PALLD: variants seen among roughly 807,000 people sequenced by gnomAD.
PALLD encodes palladin.
A neutral mutation model predicts 123.5 loss-of-function variants in PALLD; 61 were observed. The ratio of observed to expected loss-of-function variants is 0.49; its 90% confidence interval spans 0.40 to 0.61. PALLD has a LOEUF of 0.61. PALLD is among the 20% of genes least tolerant of loss of function. PALLD has a pLI of 0.00. For synonymous variants in PALLD, 465 were observed against 496.4 expected (o/e 0.94, Z 0.84); for missense variants, 1,273 against 1,377.0 (o/e 0.92, Z 1.20).
intron 2 of PALLD, among the ~76,000 whole-genome samples, chr4:168,593,103 T>C (rs1353302111): frequency 6.6e-6 from 1 of 152,146 alleles, no homozygotes; most frequent in Non-Finnish European, 1.5e-5. Flanking sequence ...GGTTCCCTAA[T>C]AATCTTCTAT....
At chr4:168,836,137 G>A (rs1745151296) in intron 10 of PALLD, among the ~76,000 whole-genome samples, 1 of 152,188 alleles carries the variant, frequency 6.6e-6, no homozygotes, top group African/African-American at 2.4e-5. Context: ...TCTTCCTTGT[G>A]TATTTTGGAT....
rs374009780 is a variant in PALLD at position 168,885,108 on chromosome 4, C to G, written c.1965-5814C>G. On this transcript the variant is annotated intron_variant, in intron 10 of 21. Transcript: ENST00000505667. ...CGCTGACTCTGAATTTCTTCTTCTTCTCCACTCTACTTGTCTACATCCTTG... is the reference window on the plus strand; with the variant it reads ...CGCTGACTCTGAATTTCTTCTTCTTGTCCACTCTACTTGTCTACATCCTTG... Among the ~76,000 whole-genome samples the G allele has an allele frequency of 1.7e-4, 26 of 152,368 alleles. 1 individual carries two copies. The East Asian group carries it at 4.4e-3, about 26-fold the overall frequency.
At chr4:168,877,890 C>T (rs1751988392) in intron 10 of PALLD, 2 of 1,467,802 alleles carry the variant, frequency 1.4e-6, no homozygotes, top group Admixed American at 2.3e-5. Flanking sequence ...TCCCCGGAGC[C>T]CATGAGCGCG....
intron 2 of PALLD, among the ~76,000 whole-genome samples, chr4:168,566,351 T>C (rs1265361765): frequency 1.3e-5 from 2 of 152,148 alleles, no homozygotes. Flanking sequence ...CAGGCTGGAA[T>C]GCAATGGTCG....
At chr4:168,613,488 G>A (rs978030490) in intron 2 of PALLD, among the ~76,000 whole-genome samples, 2 of 152,174 alleles carry the variant, frequency 1.3e-5, no homozygotes, top group Non-Finnish European at 2.9e-5. Context: ...ATATGTGTCA[G>A]CACTCTCTGC....
In PALLD at chr4:168,665,732, G is replaced by T. The variant is rs371818714; in HGVS notation, c.909-2458G>T. Among the ~76,000 whole-genome samples, 577 of 152,266 alleles carry T rather than the reference G, an allele frequency of 3.8e-3. 3 individuals carry two copies. The highest frequency in any genetic ancestry group is 0.02 in the Middle Eastern group (6 of 294). ...AACTGATTCAGTAGATTTGGGGTGA[G>T]GGTCAAGATACTGCACTTCTAACAA... is the stretch of plus-strand genomic sequence containing the variant. On this transcript the variant is annotated intron_variant, in intron 2 of 21. Transcript: ENST00000505667.
chr4:168,685,655 A>G (rs894862863), intron 6 of PALLD, 96 bp downstream of exon 6: 10 of 839,290 alleles, frequency 1.2e-5, no homozygotes, highest in African/African-American at 8.3e-5. Flanking sequence ...AATTAAAAGG[A>G]ACAGATTAGT....
chr4:168,696,979 A>G (rs1416702995), intron 8 of PALLD, among the ~76,000 whole-genome samples: 2 of 152,216 alleles, frequency 1.3e-5, no homozygotes, highest in African/African-American at 2.4e-5. Flanking sequence ...TGCACAACAT[A>G]TGGAATAAAC....
chr4:168,671,378 G>T (rs552388068), intron 3 of PALLD, among the ~76,000 whole-genome samples: 1 of 152,246 alleles, frequency 6.6e-6, no homozygotes, highest in African/African-American at 2.4e-5. Context: ...TTTCATGTTC[G>T]GGACTTCAAC....
chr4:168,574,814 C>A (rs1180547638), intron 2 of PALLD, among the ~76,000 whole-genome samples: 1 of 152,028 alleles, frequency 6.6e-6, no homozygotes, highest in African/African-American at 2.4e-5. Flanking sequence ...ATGGCTTTGT[C>A]ACAGAGGCTC....
chr4:168,869,302 T>C lies in PALLD; in HGVS notation c.1965-21620T>C, dbSNP rs1039708286. 6.6e-6 allele frequency among the ~76,000 whole-genome samples: 1 copy of C among 152,176 alleles called. No homozygotes were observed. The highest frequency in any genetic ancestry group is 2.4e-5 in the African/African-American group (1 of 41,424). On this transcript the variant is annotated intron_variant, in intron 10 of 21. Transcript: ENST00000505667. The surrounding 1 kb of genome is among the most constrained non-coding windows in gnomAD (Gnocchi z 4.5). ...CAAGAAGATAGAACACATCTGGCTCTGGGCGATCTGGGCTGGTGTGTGAGA... is the reference window on the plus strand; with the variant it reads ...CAAGAAGATAGAACACATCTGGCTCCGGGCGATCTGGGCTGGTGTGTGAGA...
chr4:168,713,816 A>T (rs1785065805), intron 10 of PALLD, among the ~76,000 whole-genome samples: 1 of 150,066 alleles, frequency 6.7e-6, no homozygotes, highest in Admixed American at 6.6e-5. Flanking sequence ...ATGGACTTAA[A>T]TGTATGAGGC....
chr4:168,814,385 T>G (rs916065739), intron 10 of PALLD, among the ~76,000 whole-genome samples: 1 of 152,180 alleles, frequency 6.6e-6, no homozygotes, highest in Non-Finnish European at 1.5e-5. Flanking sequence ...CTACCAGCAG[T>G]GCAGGGACAA....
chr4:168,828,015 C>T (rs1431799106), intron 10 of PALLD, among the ~76,000 whole-genome samples: 3 of 152,082 alleles, frequency 2.0e-5, no homozygotes, highest in African/African-American at 4.8e-5. Context: ...CACTCCAGCC[C>T]GGGTAACACT....
At chr4:168,552,687 T>G (rs959916851) in intron 2 of PALLD, among the ~76,000 whole-genome samples, 7 of 152,138 alleles carry the variant, frequency 4.6e-5, no homozygotes, top group African/African-American at 1.7e-4. Context: ...TGTTTTGTTT[T>G]GTTTTTGAGA....
At chr4:168,793,867 A>T (rs1302893368) in intron 10 of PALLD, among the ~76,000 whole-genome samples, 2 of 152,136 alleles carry the variant, frequency 1.3e-5, no homozygotes, top group African/African-American at 4.8e-5. Context: ...CATTCTCAGT[A>T]TAGTAATTAA....
At chr4:168,647,712 C>T (rs752429788) in intron 2 of PALLD, among the ~76,000 whole-genome samples, 3 of 137,896 alleles carry the variant, frequency 2.2e-5, no homozygotes, top group Non-Finnish European at 4.6e-5. Context: ...ACCCTGGAGG[C>T]GGAGGCAGCA....
chr4:168,694,671 G>A lies in PALLD; in HGVS notation c.1501+3379G>A, dbSNP rs1019069161. 3.9e-5 allele frequency among the ~76,000 whole-genome samples: 6 copies of A among 152,182 alleles called. No homozygotes were observed. The East Asian group carries it at 1.2e-3, about 29-fold the overall frequency. ...GGAATTAGATATTTAGATAAAGAAG[G>A]AAATAGCAGGTTGTCTCCAAATGGA... On this transcript the variant is annotated intron_variant, in intron 8 of 21. Transcript: ENST00000505667.
intron 10 of PALLD, among the ~76,000 whole-genome samples, chr4:168,865,427 C>G (rs912542320): frequency 6.6e-6 from 1 of 152,176 alleles, no homozygotes; most frequent in Non-Finnish European, 1.5e-5. Flanking sequence ...GCTTGTATAT[C>G]TTGGCCATTA....
Sources: allele counts gnomAD v4.1 joint callset (sites outside exome capture counted in the v4.1 genomes callset), GRCh38; gene constraint gnomAD v4.1.1; non-coding constraint Gnocchi (gnomAD v3.1); transcripts MANE v1.5; gene names NCBI Gene and HGNC (gene_info 2026-07-23, HGNC 2026-07-21).